Variants in COL25A1 observed in about 807,000 individuals in gnomAD.
COL25A1 encodes the protein collagen type XXV alpha 1 chain.
A neutral mutation model predicts 128.4 loss-of-function variants in COL25A1; 103 were observed. The observed-to-expected ratio is 0.80, with a 90% CI of 0.68 to 0.94. The LOEUF is 0.94. Ranked by LOEUF, COL25A1 falls within the 40% of genes least tolerant of loss-of-function variation. COL25A1 has a pLI of 0.00. For synonymous variants in COL25A1, 279 were observed against 277.2 expected, an observed-to-expected ratio of 1.01 and a Z score of -0.06; for missense variants, 745 against 840.0, an observed-to-expected ratio of 0.89 and a Z score of 1.40.
At chr4:109,085,810 C>A (rs1401550145) in intron 3 of COL25A1, among the ~76,000 whole-genome samples, 1 of 152,142 alleles carries the variant, frequency 6.6e-6, no homozygotes, top group African/African-American at 2.4e-5. Context: ...AAGAATACTG[C>A]CTAGCCCATA....
At chr4:109,121,804 C>A (rs1768131322) in intron 3 of COL25A1, among the ~76,000 whole-genome samples, 2 of 152,022 alleles carry the variant, frequency 1.3e-5, no homozygotes, top group Admixed American at 6.6e-5. Flanking sequence ...AACTTATATC[C>A]ACACAAAAAT....
chr4:109,152,781 T>C (rs933986842), intron 3 of COL25A1, among the ~76,000 whole-genome samples: 5 of 152,192 alleles, frequency 3.3e-5, no homozygotes, highest in African/African-American at 9.6e-5. Context: ...AGACAAATAT[T>C]GTATGATTCA....
intron 3 of COL25A1, among the ~76,000 whole-genome samples, chr4:109,122,125 G>T (rs1396905992): frequency 6.6e-6 from 1 of 152,072 alleles, no homozygotes. Flanking sequence ...TTAGAGGAGA[G>T]GGAGGGATGA....
chr4:109,204,814 C>A (rs941115694), intron 3 of COL25A1, among the ~76,000 whole-genome samples: 1 of 151,992 alleles, frequency 6.6e-6, no homozygotes. Flanking sequence ...CACCCGGGAC[C>A]CCAAAAATTA....
chr4:109,129,291 G>A (rs148084462), intron 3 of COL25A1, among the ~76,000 whole-genome samples: 2,715 of 151,932 alleles, frequency 0.018, 86 homozygotes, highest in African/African-American at 0.062. Context: ...CATCATGCCC[G>A]GCTAATTTTG....
chr4:108,826,325 G>A (rs1175365544), intron 33 of COL25A1, among the ~76,000 whole-genome samples: 1 of 152,116 alleles, frequency 6.6e-6, no homozygotes, highest in Non-Finnish European at 1.5e-5. Context: ...ATCACTTGAG[G>A]TCAGGAGTTT....
At chr4:109,242,392 T>C (rs950789182) in intron 3 of COL25A1, among the ~76,000 whole-genome samples, 1 of 152,170 alleles carries the variant, frequency 6.6e-6, no homozygotes, top group African/African-American at 2.4e-5. Flanking sequence ...TAAACACACA[T>C]ACCAACACTC....
At chr4:109,262,260 T>C (rs1055142436) in intron 3 of COL25A1, among the ~76,000 whole-genome samples, 4 of 151,638 alleles carry the variant, frequency 2.6e-5, no homozygotes, top group African/African-American at 9.7e-5. Context: ...ACACCTGTAA[T>C]CCCAGCACTT....
At chr4:109,232,882 AT>A (rs1328672291) in intron 3 of COL25A1, among the ~76,000 whole-genome samples, 2 of 152,202 alleles carry the variant, frequency 1.3e-5, no homozygotes, top group Non-Finnish European at 2.9e-5. Flanking sequence ...CCATGGCTTC[AT>A]AAAAAGAATG....
At chr4:108,902,181 T>C (rs1445949136) in intron 13 of COL25A1, among the ~76,000 whole-genome samples, 1 of 152,072 alleles carries the variant, frequency 6.6e-6, no homozygotes, top group African/African-American at 2.4e-5. Flanking sequence ...GCAAGAATTC[T>C]GTCACTTTTA....
intron 3 of COL25A1, among the ~76,000 whole-genome samples, chr4:109,250,547 G>C (rs967187368): frequency 2.0e-5 from 3 of 152,186 alleles, no homozygotes; most frequent in Non-Finnish European, 4.4e-5. Context: ...AGAACGAAGA[G>C]AGCCAATGGT....
intron 18 of COL25A1, among the ~76,000 whole-genome samples, 157 bp from the exon 19 acceptor site, chr4:108,884,379 T>G (rs1740521258): frequency 6.6e-6 from 1 of 152,222 alleles, no homozygotes; most frequent in African/African-American, 2.4e-5. Flanking sequence ...TGCAATTCAG[T>G]CAACTCTTGA....
intron 28 of COL25A1, 124 bp from the exon 29 acceptor site, chr4:108,845,375 A>T: frequency 1.4e-6 from 1 of 736,706 alleles, no homozygotes; most frequent in Admixed American, 2.2e-5. Flanking sequence ...TTGCTACATA[A>T]AAGAAGGATT....
chr4:109,216,106 G>A (rs1242140367), intron 3 of COL25A1, among the ~76,000 whole-genome samples: 1 of 152,012 alleles, frequency 6.6e-6, no homozygotes, highest in Non-Finnish European at 1.5e-5. Context: ...TCTCAAAGAT[G>A]TTCTATATGT....
At chr4:109,123,816 T>G (rs1287548916) in intron 3 of COL25A1, among the ~76,000 whole-genome samples, 1 of 152,104 alleles carries the variant, frequency 6.6e-6, no homozygotes, top group African/African-American at 2.4e-5. Context: ...CATCACGGAT[T>G]ATTCCTCCCT....
At position 108,839,808 on chromosome 4, in the gene COL25A1, T is replaced by C. The variant is rs541643179; in HGVS notation, c.1656+1887A>G. ...AAGTTGTATGGACAAAATAAATTGTTGCATTTTAGAAATCAAAAGCATCTT... is the reference window on the plus strand; with the variant it reads ...AAGTTGTATGGACAAAATAAATTGTCGCATTTTAGAAATCAAAAGCATCTT... On this transcript the variant is annotated intron_variant, in intron 31 of 37. Transcript: ENST00000399132. Among the ~76,000 whole-genome samples the C allele has an allele frequency of 4.6e-5, 7 of 152,326 alleles. No homozygotes were observed. The South Asian group carries it at 1.4e-3, about 32-fold the overall frequency.
chr4:108,836,666 G>T (rs1333450100), intron 31 of COL25A1, among the ~76,000 whole-genome samples: 1 of 151,370 alleles, frequency 6.6e-6, no homozygotes, highest in Non-Finnish European at 1.5e-5. Context: ...AAAATAAATG[G>T]GGAAACTGTA....
chr4:108,820,692 C>T (rs1731686049), intron 35 of COL25A1, among the ~76,000 whole-genome samples: 2 of 150,828 alleles, frequency 1.3e-5, no homozygotes, highest in South Asian at 2.1e-4. Context: ...AAATGAGTTT[C>T]CAGCTTACTC....
At chr4:109,268,298 C>T (rs1189664242) in intron 3 of COL25A1, among the ~76,000 whole-genome samples, 2 of 152,216 alleles carry the variant, frequency 1.3e-5, no homozygotes, top group Middle Eastern at 3.4e-3. Flanking sequence ...ATTAGATAAG[C>T]ATTTATGTCT....
Sources: gnomAD v4.1 joint callset for allele counts (sites outside exome capture counted in the v4.1 genomes callset) on GRCh38, gnomAD v4.1.1 for gene constraint, MANE v1.5 for transcripts, NCBI Gene and HGNC (gene_info 2026-07-23, HGNC 2026-07-21) for gene names.